PPME1: variants seen among roughly 807,000 people sequenced by gnomAD.
PPME1 encodes the protein testicular secretory protein Li 39.
In PPME1, 17 loss-of-function variants were observed where a neutral mutation model predicts 56.9. The observed-to-expected ratio is 0.30, with a 90% CI of 0.20 to 0.45. The LOEUF (loss-of-function observed/expected upper bound fraction) is 0.45. Among genes scored for constraint, PPME1 ranks in the 20% least tolerant of loss-of-function variants. The pLI, the probability that PPME1 is intolerant of heterozygous loss-of-function variation, is 1.00. For missense variants in PPME1, 357 were observed against 483.2 expected (o/e 0.74, Z 2.45); for synonymous variants, 122 against 156.2 (o/e 0.78, Z 1.63).
intron 11 of PPME1, chr11:74,249,471 G>C (rs1859597347): frequency 6.6e-6 from 1 of 152,214 alleles, no homozygotes; most frequent in Admixed American, 6.5e-5. Flanking sequence ...AGTGTTGTTG[G>C]TGTATGTGAG....
At chr11:74,231,494 C>T (rs533184286) in intron 7 of PPME1, among the ~76,000 whole-genome samples, 1 of 152,274 alleles carries the variant, frequency 6.6e-6, no homozygotes, top group South Asian at 2.1e-4. Flanking sequence ...GTTGCCACGC[C>T]TTATTGTAAT....
intron 1 of PPME1, among the ~76,000 whole-genome samples, chr11:74,179,587 C>G (rs1357935513): frequency 6.6e-6 from 1 of 152,126 alleles, no homozygotes; most frequent in Non-Finnish European, 1.5e-5. Flanking sequence ...TCTGAGTCAC[C>G]TTAAAATGAG....
intron 3 of PPME1, among the ~76,000 whole-genome samples, chr11:74,207,477 A>G (rs577281488): frequency 1.3e-5 from 2 of 152,358 alleles, no homozygotes; most frequent in Middle Eastern, 6.8e-3. Context: ...CTTTTGTGGA[A>G]CTATCAAAGG....
chr11:74,187,757 A>G (rs1857724085), intron 1 of PPME1, among the ~76,000 whole-genome samples: 2 of 152,230 alleles, frequency 1.3e-5, no homozygotes, highest in African/African-American at 4.8e-5. Flanking sequence ...GGCAGGTGGA[A>G]TAACAACATC....
At chr11:74,203,201 G>C (rs953224703) in intron 1 of PPME1, among the ~76,000 whole-genome samples, 2 of 152,104 alleles carry the variant, frequency 1.3e-5, no homozygotes, top group African/African-American at 4.8e-5. Flanking sequence ...TGAAGGTATT[G>C]ATATTGCCAG....
In PPME1 at chr11:74,230,647, T is replaced by C; in HGVS notation, c.553+248T>C. The stretch of plus-strand genomic sequence containing the variant: ...TGTCCCATAATTGTATTTAATCATA[T>C]AAAAAGAAGCTGCCATGTCTTTTCT... On this transcript the variant is annotated intron_variant, in intron 6 of 13. Coordinates refer to ENST00000328257, the MANE Select transcript of PPME1 (RefSeq NM_016147.3). This position sits in a 1 kb window ranked among gnomAD's most constrained non-coding sequence, Gnocchi z 4.9. The C allele has an allele frequency of 1.7e-6, 1 of 601,200 alleles. No homozygotes were observed. The highest frequency in any genetic ancestry group is 2.9e-6 in the Non-Finnish European group (1 of 350,502). 37.2% of individuals were successfully genotyped at this position (601,200 alleles called of 1,614,324 possible).
At chr11:74,234,083 G>A (rs1233257513) in intron 7 of PPME1, among the ~76,000 whole-genome samples, 1 of 152,224 alleles carries the variant, frequency 6.6e-6, no homozygotes, top group African/African-American at 2.4e-5. Context: ...TGGATTGGAT[G>A]TTGGGAGAGA....
intron 3 of PPME1, among the ~76,000 whole-genome samples, chr11:74,216,747 AAAAG>A (rs1366943962): frequency 6.6e-6 from 1 of 151,890 alleles, no homozygotes; most frequent in African/African-American, 2.4e-5. Context: ...AGACTAAGAA[AAAAG>A]AAAGAAGACC....
At chr11:74,182,246 G>C (rs1051856418) in intron 1 of PPME1, among the ~76,000 whole-genome samples, 2 of 152,110 alleles carry the variant, frequency 1.3e-5, no homozygotes, top group African/African-American at 2.4e-5. Context: ...TTTTTGAGGA[G>C]AAAATGAGAT....
chr11:74,245,172 A>C (rs1313526479), intron 9 of PPME1, among the ~76,000 whole-genome samples: 1 of 152,008 alleles, frequency 6.6e-6, no homozygotes, highest in Admixed American at 6.6e-5. Context: ...AGTGTCTATG[A>C]GATTCCATAT....
At chr11:74,182,272 ATAT>A (rs1335610122) in intron 1 of PPME1, among the ~76,000 whole-genome samples, 12 of 152,194 alleles carry the variant, frequency 7.9e-5, no homozygotes, top group Admixed American at 7.9e-4. Context: ...ATGTGTAGAA[ATAT>A]TATTTAAATT....
intron 1 of PPME1, 113 bp downstream of exon 1, chr11:74,171,635 T>C (rs1425627683): frequency 2.7e-5 from 36 of 1,341,526 alleles, no homozygotes; most frequent in Non-Finnish European, 3.2e-5. Flanking sequence ...GAGAAAATGT[T>C]GGCGGCCTGG....
intron 3 of PPME1, 38 bp downstream of exon 3, chr11:74,204,483 C>T: frequency 6.6e-7 from 1 of 1,504,954 alleles, no homozygotes; most frequent in Non-Finnish European, 9.2e-7. Flanking sequence ...AATGTTAGCA[C>T]TTTTGAACTA....
At chr11:74,186,963 T>C (rs907068445) in intron 1 of PPME1, among the ~76,000 whole-genome samples, 1 of 152,214 alleles carries the variant, frequency 6.6e-6, no homozygotes, top group Non-Finnish European at 1.5e-5. Flanking sequence ...TTCTTTTGCA[T>C]GTGGATATCC....
intron 5 of PPME1, among the ~76,000 whole-genome samples, chr11:74,229,491 G>T (rs527683095): frequency 2.6e-5 from 4 of 152,218 alleles, no homozygotes; most frequent in African/African-American, 9.6e-5. Flanking sequence ...ATTAGACTTT[G>T]TTAAATAGGT....
chr11:74,204,264 A>G, intron 2 of PPME1, 89 bp from the exon 3 acceptor site: 2 of 998,634 alleles, frequency 2.0e-6, no homozygotes, highest in Non-Finnish European at 3.0e-6. Flanking sequence ...GCAGTTTTGC[A>G]TGTAAGTTTC....
intron 4 of PPME1, among the ~76,000 whole-genome samples, chr11:74,222,953 T>A (rs187666575): frequency 0.019 from 2,831 of 152,172 alleles, 47 homozygotes; most frequent in Middle Eastern, 0.034. Context: ...AATTTTTTTT[T>A]ATTATACTTT....
intron 1 of PPME1, among the ~76,000 whole-genome samples, chr11:74,199,732 A>G (rs915599015): frequency 6.6e-5 from 10 of 152,252 alleles, no homozygotes; most frequent in Admixed American, 5.2e-4. Flanking sequence ...AAAGAAAAAG[A>G]GGTTTAATGG....
intron 5 of PPME1, among the ~76,000 whole-genome samples, chr11:74,229,338 A>T (rs749838772): frequency 6.6e-6 from 1 of 152,154 alleles, no homozygotes; most frequent in African/African-American, 2.4e-5. Context: ...CTAAAAATAT[A>T]TATATATAAT....
Sources: allele counts gnomAD v4.1 joint callset (sites outside exome capture counted in the v4.1 genomes callset), GRCh38; gene constraint gnomAD v4.1.1; non-coding constraint Gnocchi (gnomAD v3.1); transcripts MANE v1.5; gene names NCBI Gene and HGNC (gene_info 2026-07-23, HGNC 2026-07-21).